The following WDR7 variants were observed in gnomAD, a reference collection of about 807,000 sequenced individuals.
The protein encoded by WDR7 is WD repeat-containing protein 7.
WDR7 carries 46 observed loss-of-function variants against 169.4 expected under a neutral mutation model. The ratio of observed to expected loss-of-function variants is 0.27; its 90% CI spans 0.21 to 0.35. The LOEUF is 0.35. WDR7 is among the 10% of genes least tolerant of loss of function. The pLI, the probability that WDR7 is intolerant of heterozygous loss-of-function variation, is 1.00. For synonymous variants in WDR7, 612 were observed against 666.8 expected (o/e 0.92, Z 1.27); for missense variants, 1,534 against 1,859.3 (o/e 0.83, Z 3.22).
intron 19 of WDR7, among the ~76,000 whole-genome samples, chr18:56,792,075 T>C (rs2145119305): frequency 6.6e-6 from 1 of 152,218 alleles, no homozygotes; most frequent in South Asian, 2.1e-4. Flanking sequence ...TGGAGTGCAG[T>C]GGCACGATCA....
intron 26 of WDR7, among the ~76,000 whole-genome samples, chr18:57,015,430 GAGAAA>G (rs2048192739): frequency 6.6e-6 from 1 of 152,176 alleles, no homozygotes; most frequent in Non-Finnish European, 1.5e-5. Flanking sequence ...GATTGCTTGG[GAGAAA>G]AGAAGGGGGA....
At chr18:57,033,270 G>A (rs997981065), downstream of WDR7, 6 of 152,086 alleles carry the variant, frequency 3.9e-5, no homozygotes, top group South Asian at 2.1e-4. Context: ...GGAAACATTT[G>A]GGCTAGGCCT....
At chr18:56,660,624 G>C (rs1441377084) in intron 1 of WDR7, among the ~76,000 whole-genome samples, 1 of 147,310 alleles carries the variant, frequency 6.8e-6, no homozygotes, top group Non-Finnish European at 1.5e-5. Context: ...AGAAGTCTAA[G>C]GACTAAGTTG....
intron 19 of WDR7, among the ~76,000 whole-genome samples, chr18:56,799,257 T>A (rs2044632618): frequency 6.6e-6 from 1 of 152,112 alleles, no homozygotes. Flanking sequence ...ATTAAAACTG[T>A]TTTTGAGGGT....
chr18:57,023,213 G>A (rs2048315071), intron 27 of WDR7, among the ~76,000 whole-genome samples: 1 of 152,182 alleles, frequency 6.6e-6, no homozygotes. Flanking sequence ...AACAGTATTA[G>A]ATCTACTGCT....
intron 20 of WDR7, among the ~76,000 whole-genome samples, chr18:56,874,485 A>G (rs1436609216): frequency 1.3e-5 from 2 of 152,052 alleles, no homozygotes; most frequent in African/African-American, 4.8e-5. Context: ...AGATATTTTA[A>G]TTATTAATTT....
At chr18:56,751,934 G>A (rs951728079) in intron 14 of WDR7, among the ~76,000 whole-genome samples, 4 of 152,096 alleles carry the variant, frequency 2.6e-5, no homozygotes, top group African/African-American at 7.2e-5. Flanking sequence ...TCCCTCATCT[G>A]GATGGTTTCA....
intron 20 of WDR7, among the ~76,000 whole-genome samples, chr18:56,826,107 C>A (rs2045198988): frequency 6.6e-6 from 1 of 152,176 alleles, no homozygotes; most frequent in African/African-American, 2.4e-5. Context: ...GAGTGAATAA[C>A]CTTCAGGATG....
At chr18:56,862,343 C>T (rs993541050) in intron 20 of WDR7, among the ~76,000 whole-genome samples, 13 of 151,394 alleles carry the variant, frequency 8.6e-5, no homozygotes, top group South Asian at 4.2e-4. Context: ...TTTGAATTAA[C>T]GGTATATGAA....
intron 21 of WDR7, among the ~76,000 whole-genome samples, chr18:56,893,699 G>A (rs1230685367): frequency 1.3e-5 from 2 of 152,032 alleles, no homozygotes; most frequent in East Asian, 3.9e-4. Context: ...TAAATGTATG[G>A]CTCTTTCCTT....
chr18:56,973,607 C>A (rs772611140), intron 26 of WDR7, among the ~76,000 whole-genome samples: 17 of 152,050 alleles, frequency 1.1e-4, no homozygotes, highest in Middle Eastern at 3.4e-3. Context: ...TTCATATCCA[C>A]TCTGAGTATA....
At chr18:56,871,617 G>A (rs562351178) in intron 20 of WDR7, among the ~76,000 whole-genome samples, 2 of 152,038 alleles carry the variant, frequency 1.3e-5, no homozygotes, top group East Asian at 1.9e-4. Flanking sequence ...TATTTATCAT[G>A]AACCAATAGA....
intron 21 of WDR7, among the ~76,000 whole-genome samples, chr18:56,908,172 C>T (rs1002279593): frequency 3.3e-5 from 5 of 152,168 alleles, no homozygotes; most frequent in South Asian, 2.1e-4. Flanking sequence ...TCACCCTCCA[C>T]AGACTTCGAG....
At chr18:56,970,442 A>T (rs2047468098) in intron 26 of WDR7, among the ~76,000 whole-genome samples, 1 of 152,164 alleles carries the variant, frequency 6.6e-6, no homozygotes, top group Non-Finnish European at 1.5e-5. Context: ...AATGTATTAT[A>T]AAATAAATAT....
intron 26 of WDR7, among the ~76,000 whole-genome samples, chr18:57,014,345 AAG>A (rs1491004700): frequency 1.3e-5 from 2 of 149,342 alleles, no homozygotes; most frequent in Non-Finnish European, 3.0e-5. Context: ...AAAAAAAAAA[AAG>A]AAGAAAAGGA....
chr18:56,659,867 T>G (rs779674929), intron 1 of WDR7, among the ~76,000 whole-genome samples: 1 of 152,058 alleles, frequency 6.6e-6, no homozygotes, highest in Non-Finnish European at 1.5e-5. Flanking sequence ...TTTTTTTTTT[T>G]AATAGTGTCA....
chr18:56,678,245 C>T (rs1044248853), intron 2 of WDR7, among the ~76,000 whole-genome samples: 1 of 152,170 alleles, frequency 6.6e-6, no homozygotes, highest in African/African-American at 2.4e-5. Context: ...TGAACAGTCA[C>T]GTATTTGTTT....
In WDR7 at chr18:56,779,420, A is replaced by T. The variant is rs1377619480; in HGVS notation, c.2948-11A>T. On this transcript the variant is annotated splice_polypyrimidine_tract_variant and intron_variant, in intron 17 of 27. Coordinates refer to ENST00000254442, the MANE Select transcript of WDR7 (RefSeq NM_015285.3). ...GGTTAAAGAATTTGTAATATATTAC[A>T]TTTTTGACAGGTTGGAGTCAGTTAG... 1.3e-6 allele frequency: 2 copies of T among 1,590,090 alleles called. No individual in the cohort carries two copies. The highest frequency in any genetic ancestry group is 1.7e-6 in the Non-Finnish European group (2 of 1,168,174).
At chr18:56,932,779 A>G (rs568785627) in intron 22 of WDR7, among the ~76,000 whole-genome samples, 20 of 152,170 alleles carry the variant, frequency 1.3e-4, no homozygotes, top group African/African-American at 4.6e-4. Flanking sequence ...GGTAAGGGGA[A>G]ACTATCCACT....
Sources: gnomAD v4.1 joint callset for allele counts (sites outside exome capture counted in the v4.1 genomes callset) on GRCh38, gnomAD v4.1.1 for gene constraint, MANE v1.5 for transcripts, NCBI Gene and HGNC (gene_info 2026-07-23, HGNC 2026-07-21) for gene names.